HELZ: variants seen among roughly 807,000 people sequenced by gnomAD.
HELZ encodes helicase with zinc finger, also known as ATP-dependent RNA helicase with zinc finger domain.
HELZ carries 23 observed loss-of-function variants against 218.2 expected under a neutral mutation model. That is an observed-to-expected ratio of 0.11 (90% CI 0.08 to 0.15). The LOEUF is 0.15. Among genes scored for constraint, HELZ ranks in the 10% least tolerant of loss-of-function variants. The pLI, the probability that HELZ is intolerant of heterozygous loss-of-function variation, is 1.00. For missense variants in HELZ, 1,813 were observed against 2,353.7 expected (o/e 0.77, Z 4.75); for synonymous variants, 814 against 829.4 (o/e 0.98, Z 0.32).
rs780951777 is a variant in HELZ, at chr17:67,188,354, A to G, written c.1127T>C (p.Met376Thr). The change falls in exon 12 of 33, where the codon ATG becomes ACG. Residue 376 changes from methionine to threonine, a missense_variant. This residue lies in a region of HELZ where 714 missense variants were observed against 1,029.2 expected (regional missense o/e 0.69). Transcript: ENST00000358691. This position sits in a 1 kb window ranked among gnomAD's most constrained non-coding sequence, Gnocchi z 4.1. ...AGCTGCATCAATCATTACTCTTTGC[A>G]TGAGTACTGGTTCCAATCCAAAGTC... is the stretch of plus-strand genomic sequence containing the variant. ...VFDFGLEPVL[M>T]QRVMIDAAST... 49 of 1,613,356 alleles carry G rather than the reference A, an allele frequency of 3.0e-5. No homozygotes were observed. The highest frequency in any genetic ancestry group is 4.1e-5 in the Non-Finnish European group (48 of 1,179,468).
chr17:67,156,336 C>T (rs935933373), intron 17 of HELZ, among the ~76,000 whole-genome samples: 1 of 151,988 alleles, frequency 6.6e-6, no homozygotes, highest in African/African-American at 2.4e-5. Context: ...TCTAGTTTCT[C>T]CCATATAAAA....
intron 7 of HELZ, among the ~76,000 whole-genome samples, chr17:67,195,719 G>A (rs989620626): frequency 2.6e-5 from 4 of 151,764 alleles, no homozygotes; most frequent in African/African-American, 7.3e-5. Context: ...GCTGGCAGCA[G>A]AAGAGAAGTC....
chr17:67,244,875 C>T (rs2041434476), intron 1 of HELZ: 1 of 985,638 alleles, frequency 1.0e-6, no homozygotes, highest in African/African-American at 1.7e-5. Flanking sequence ...GCAAGGCCCC[C>T]TCTCCTGCCA....
intron 5 of HELZ, among the ~76,000 whole-genome samples, chr17:67,213,262 T>C (rs2040503878): frequency 6.6e-6 from 1 of 152,190 alleles, no homozygotes; most frequent in Non-Finnish European, 1.5e-5. Context: ...CAGTGACAGA[T>C]TACAGAGACT....
chr17:67,210,746 A>C (rs1423088420), intron 5 of HELZ, among the ~76,000 whole-genome samples: 2 of 151,888 alleles, frequency 1.3e-5, no homozygotes, highest in Non-Finnish European at 2.9e-5. Context: ...ACATGGTGAA[A>C]CCCTGTCTCT....
chr17:67,101,111 GA>G (rs34193245), intron 31 of HELZ, among the ~76,000 whole-genome samples: 224 of 59,998 alleles, frequency 3.7e-3, no homozygotes, highest in African/African-American at 6.0e-3. Context: ...CTCCGTCTCA[GA>G]AAAAAAAAAA....
rs568500478 is a variant in HELZ at position 67,107,020 on chromosome 17, G to A, written c.5241+149C>T. ...TTACAAAACCTGAAATACAATAGGA[G>A]GGTGGCAATTAAAATAATTCCCAAG... On this transcript the variant is annotated intron_variant, in intron 31 of 32. Coordinates refer to ENST00000358691, the MANE Select transcript of HELZ (RefSeq NM_014877.4). 32 of 758,956 alleles carry A rather than the reference G, an allele frequency of 4.2e-5. No homozygotes were observed. The South Asian group carries it at 6.1e-4, about 14-fold the overall frequency. 47.0% of individuals were successfully genotyped at this position (758,956 alleles called of 1,614,324 possible).
chr17:67,107,548 G>C lies in HELZ; in HGVS notation c.4862C>G (p.Pro1621Arg). The C allele has an allele frequency of 2.5e-6, 4 of 1,614,128 alleles. No individual in the cohort carries two copies. The highest frequency in any genetic ancestry group is 3.4e-6 in the Non-Finnish European group (4 of 1,180,020). ...GCTACTGTGGTCTGTACTGGATGGG[G>C]GAGATGGGACTGCTGGTGGGCTTCT... is the stretch of plus-strand genomic sequence containing the variant. ...QSRSPPAVPS[P>R]PSSTDHSSHF... is the part of the protein sequence containing the mutation. The change falls in exon 31 of 33, where the codon CCC (proline) becomes CGC (arginine). Residue 1621 changes from proline (P) to arginine (R), a missense_variant. Around this residue, in one of 4 missense-constraint regions of HELZ, gnomAD observed 938 missense variants for 1,027.5 expected, o/e 0.91. Transcript: ENST00000358691.
At chr17:67,201,920 A>T (rs925888693) in intron 6 of HELZ, among the ~76,000 whole-genome samples, 9 of 152,186 alleles carry the variant, frequency 5.9e-5, no homozygotes, top group Admixed American at 5.2e-4. Context: ...ACTTAAACAT[A>T]ATTAAACAAT....
chr17:67,108,851 G>T lies in HELZ; in HGVS notation c.4490-125C>A. On this transcript the variant is annotated intron_variant, in intron 29 of 32. Coordinates refer to ENST00000358691, the MANE Select transcript of HELZ (RefSeq NM_014877.4). This position sits in a 1 kb window ranked among gnomAD's most constrained non-coding sequence, Gnocchi z 4.1. ...GTAGCTACAAATTTGGTTTTGGTAA[G>T]AAGTAAATGTTTTCTAAATTTGCCA... is the stretch of plus-strand genomic sequence containing the variant. The T allele has an allele frequency of 9.0e-6, 7 of 780,596 alleles. No homozygotes were observed. In the South Asian group the frequency reaches 9.9e-5, roughly 11 times the overall value. The allele number at this position is 780,596 out of a possible 1,614,324, so 48.4% of individuals were successfully genotyped here.
chr17:67,231,171 C>CA (rs1327932257), intron 3 of HELZ, among the ~76,000 whole-genome samples: 1 of 151,806 alleles, frequency 6.6e-6, no homozygotes, highest in African/African-American at 2.4e-5. Context: ...TATCACAGCC[C>CA]AAAAAAGACT....
At chr17:67,171,727 C>CA (rs2039315991) in intron 13 of HELZ, among the ~76,000 whole-genome samples, 1 of 152,182 alleles carries the variant, frequency 6.6e-6, no homozygotes, top group Admixed American at 6.5e-5. Context: ...AAGCACCCTC[C>CA]ATTGCAACTA....
chr17:67,206,930 G>T (rs1408581889), intron 5 of HELZ, among the ~76,000 whole-genome samples: 1 of 142,268 alleles, frequency 7.0e-6, no homozygotes, highest in Non-Finnish European at 1.5e-5. Flanking sequence ...GGTTTTTTTT[G>T]AGACAGAGTT....
At chr17:67,098,798 A>G (rs2036831642) in intron 31 of HELZ, among the ~76,000 whole-genome samples, 1 of 152,176 alleles carries the variant, frequency 6.6e-6, no homozygotes, top group African/African-American at 2.4e-5. Context: ...ACAACCATCA[A>G]CAATTTGATA....
intron 23 of HELZ, among the ~76,000 whole-genome samples, chr17:67,131,995 C>G (rs1446444258): frequency 6.6e-6 from 1 of 152,084 alleles, no homozygotes; most frequent in Admixed American, 6.5e-5. Context: ...TCTCAGCCCC[C>G]TCCCTAAAAC....
intron 23 of HELZ, among the ~76,000 whole-genome samples, chr17:67,133,219 T>C (rs1046877427): frequency 1.9e-4 from 29 of 152,174 alleles, no homozygotes; most frequent in African/African-American, 7.0e-4. Context: ...TTAATGTATA[T>C]ACCTTGACAC....
chr17:67,170,437 C>T (rs183370364), intron 13 of HELZ, among the ~76,000 whole-genome samples: 1 of 151,992 alleles, frequency 6.6e-6, no homozygotes, highest in African/African-American at 2.4e-5. Context: ...ATTGCTTGAA[C>T]CAGGAGGCGG....
At chr17:67,118,013 G>C (rs1393132584) in intron 27 of HELZ, among the ~76,000 whole-genome samples, 1 of 152,176 alleles carries the variant, frequency 6.6e-6, no homozygotes, top group Non-Finnish European at 1.5e-5. Flanking sequence ...ATCCCGGAAG[G>C]CTTTTTAGTA....
chr17:67,136,294 TAAC>T (rs1441233683), intron 22 of HELZ, 96 bp from the exon 23 acceptor site: 1 of 807,070 alleles, frequency 1.2e-6, no homozygotes, highest in Non-Finnish European at 1.9e-6. Flanking sequence ...TATTGCTAAA[TAAC>T]AAACATTGGC....
Sources: allele counts gnomAD v4.1 joint callset (sites outside exome capture counted in the v4.1 genomes callset), GRCh38; gene constraint gnomAD v4.1.1; regional missense constraint gnomAD v4.1.1; non-coding constraint Gnocchi (gnomAD v3.1); transcripts MANE v1.5; gene names NCBI Gene and HGNC (gene_info 2026-07-23, HGNC 2026-07-21).